Variants in AUTS2 observed in about 807,000 individuals in gnomAD.
The protein encoded by AUTS2 is autism susceptibility gene 2 protein.
AUTS2 carries 17 observed loss-of-function variants against 112.4 expected under a neutral mutation model. The observed-to-expected ratio is 0.15, with a 90% CI of 0.10 to 0.23. The LOEUF (loss-of-function observed/expected upper bound fraction) is 0.23. Ranked by LOEUF, AUTS2 falls within the 10% of genes least tolerant of loss-of-function variation. The pLI, the probability that AUTS2 is intolerant of heterozygous loss-of-function variation, is 1.00. For synonymous variants in AUTS2, 751 were observed against 702.7 expected (o/e 1.07, Z -1.09); for missense variants, 1,510 against 1,701.6 (o/e 0.89, Z 1.98).
At chr7:70,424,306 G>A (rs1302236536) in intron 4 of AUTS2, among the ~76,000 whole-genome samples, 2 of 152,308 alleles carry the variant, frequency 1.3e-5, no homozygotes, top group Non-Finnish European at 2.9e-5. Context: ...TGTAGGCGCT[G>A]CAATCTCTTT....
chr7:70,165,585 A>G (rs1366811791), intron 4 of AUTS2, among the ~76,000 whole-genome samples: 1 of 152,192 alleles, frequency 6.6e-6, no homozygotes, highest in Non-Finnish European at 1.5e-5. Context: ...AAGTAAATTA[A>G]GTCTTCGTCA....
At chr7:70,628,467 A>C (rs1805078981) in intron 5 of AUTS2, among the ~76,000 whole-genome samples, 1 of 152,074 alleles carries the variant, frequency 6.6e-6, no homozygotes, top group Admixed American at 6.6e-5. Flanking sequence ...AATAGGAGTT[A>C]ATGAAGAAGG....
intron 1 of AUTS2, among the ~76,000 whole-genome samples, chr7:69,759,119 CAGAG>C (rs773173981): frequency 1.3e-5 from 2 of 152,170 alleles, no homozygotes; most frequent in Non-Finnish European, 2.9e-5. Flanking sequence ...AACTGAGTCA[CAGAG>C]AGACTCGGTA....
intron 6 of AUTS2, among the ~76,000 whole-genome samples, chr7:70,721,313 T>TGTGTGTGTGTGTGTGTG (rs1563151700): frequency 2.6e-5 from 4 of 151,130 alleles, no homozygotes; most frequent in Non-Finnish European, 2.9e-5. Context: ...TGTGTGTGTG[T>TGTGTGTGTGTGTGTGTG]TTCCGATGGA....
At chr7:70,010,498 A>G (rs1297807624) in intron 2 of AUTS2, among the ~76,000 whole-genome samples, 2 of 152,068 alleles carry the variant, frequency 1.3e-5, no homozygotes, top group Non-Finnish European at 2.9e-5. Flanking sequence ...CCTCTACATG[A>G]AGTTTAGCAA....
In AUTS2 at chr7:69,843,516, G is replaced by A. The variant is rs1792068315; in HGVS notation, c.310-55770G>A. ...CACTGGATACTTGATATAATGCCTG[G>A]AAAATAGTAGATGTGCAGTATAAAT... On this transcript the variant is annotated intron_variant, in intron 1 of 18. Coordinates refer to ENST00000342771, the MANE Select transcript of AUTS2 (RefSeq NM_015570.4). 4.6e-5 allele frequency among the ~76,000 whole-genome samples: 7 copies of A among 152,196 alleles called. No homozygotes were observed. In the South Asian group the frequency reaches 1.4e-3, roughly 32 times the overall value.
intron 6 of AUTS2, among the ~76,000 whole-genome samples, chr7:70,751,361 G>A (rs997641161): frequency 6.6e-6 from 1 of 152,214 alleles, no homozygotes; most frequent in South Asian, 2.1e-4. Flanking sequence ...AGGGCTGCCT[G>A]TATCTTTATT....
chr7:69,826,496 T>A (rs1471384135), intron 1 of AUTS2, among the ~76,000 whole-genome samples: 2 of 152,184 alleles, frequency 1.3e-5, no homozygotes, highest in African/African-American at 4.8e-5. Context: ...GTCCTGGCTG[T>A]CATAGTTGAA....
intron 1 of AUTS2, among the ~76,000 whole-genome samples, chr7:69,646,222 A>AT (rs961095711): frequency 6.6e-6 from 1 of 152,054 alleles, no homozygotes; most frequent in African/African-American, 2.4e-5. Context: ...AAATTTGCAC[A>AT]TTTTTTTAAA....
At chr7:70,757,167 T>A (rs901862010) in intron 6 of AUTS2, among the ~76,000 whole-genome samples, 2 of 152,226 alleles carry the variant, frequency 1.3e-5, no homozygotes, top group African/African-American at 4.8e-5. Context: ...GGGGAAGCCA[T>A]TTCTGAAGGT....
intron 1 of AUTS2, among the ~76,000 whole-genome samples, chr7:69,716,290 C>G (rs1012499609): frequency 1.3e-5 from 2 of 151,776 alleles, no homozygotes; most frequent in African/African-American, 4.8e-5. Context: ...AAAGCCCCAT[C>G]TCTGTCACAA....
chr7:69,794,514 T>C (rs1471598338), intron 1 of AUTS2, among the ~76,000 whole-genome samples: 1 of 152,216 alleles, frequency 6.6e-6, no homozygotes, highest in East Asian at 1.9e-4. Flanking sequence ...GACTGTACTT[T>C]ATCTGCTTAT....
intron 6 of AUTS2, among the ~76,000 whole-genome samples, chr7:70,741,802 G>A (rs1207859037): frequency 2.0e-5 from 3 of 152,178 alleles, no homozygotes; most frequent in South Asian, 2.1e-4. Context: ...GGTTGGAGCC[G>A]GTGGTTATAG....
At chr7:70,754,127 C>G (rs1413939759) in intron 6 of AUTS2, among the ~76,000 whole-genome samples, 1 of 152,096 alleles carries the variant, frequency 6.6e-6, no homozygotes, top group Non-Finnish European at 1.5e-5. Context: ...CGCCGCTGCA[C>G]TCCAGCCTGG....
chr7:70,226,283 GT>G (rs985955286), intron 4 of AUTS2, among the ~76,000 whole-genome samples: 20 of 151,784 alleles, frequency 1.3e-4, no homozygotes, highest in African/African-American at 4.4e-4. Flanking sequence ...CACCTCCCAG[GT>G]TCATGCCATT....
At chr7:70,066,944 A>G (rs1334318927) in intron 2 of AUTS2, among the ~76,000 whole-genome samples, 1 of 152,228 alleles carries the variant, frequency 6.6e-6, no homozygotes, top group Non-Finnish European at 1.5e-5. Context: ...CCTGAGAGCT[A>G]TTTACAAATT....
At chr7:70,675,879 T>A (rs1328888006) in intron 5 of AUTS2, among the ~76,000 whole-genome samples, 2 of 152,104 alleles carry the variant, frequency 1.3e-5, no homozygotes, top group Non-Finnish European at 2.9e-5. Flanking sequence ...CCTTGGAAAG[T>A]CACATGGAGC....
chr7:70,744,501 T>C (rs538792458), intron 6 of AUTS2, among the ~76,000 whole-genome samples: 2 of 152,272 alleles, frequency 1.3e-5, no homozygotes, highest in East Asian at 3.9e-4. Context: ...CCTTCCACAG[T>C]GCCTTGACGA....
chr7:69,953,100 C>T (rs560347872), intron 2 of AUTS2, among the ~76,000 whole-genome samples: 1 of 152,174 alleles, frequency 6.6e-6, no homozygotes, highest in Non-Finnish European at 1.5e-5. Flanking sequence ...GCTTTATTTA[C>T]ATAAAACCTA....
Sources: gnomAD v4.1 joint callset for allele counts (sites outside exome capture counted in the v4.1 genomes callset) on GRCh38, gnomAD v4.1.1 for gene constraint, MANE v1.5 for transcripts, NCBI Gene and HGNC (gene_info 2026-07-23, HGNC 2026-07-21) for gene names.